The following CTDSPL variants were observed in gnomAD, a reference collection of about 807,000 sequenced individuals.
CTDSPL encodes CTD small phosphatase like, also known as CTD small phosphatase-like protein.
CTDSPL carries 8 observed loss-of-function variants against 30.5 expected under a neutral mutation model. The observed-to-expected ratio is 0.26, with a 90% CI of 0.15 to 0.47. The LOEUF is 0.47. CTDSPL is among the 20% of genes least tolerant of loss of function. The pLI is 0.99. For missense variants in CTDSPL, 248 were observed against 366.1 expected, an observed-to-expected ratio of 0.68 and a Z score of 2.63; for synonymous variants, 110 against 137.9, an observed-to-expected ratio of 0.80 and a Z score of 1.42.
At chr3:37,948,806 TTC>T (rs1699072663) in intron 2 of CTDSPL, among the ~76,000 whole-genome samples, 18 of 141,454 alleles carry the variant, frequency 1.3e-4, no homozygotes, top group African/African-American at 4.7e-4. Context: ...TTTTCCAGCT[TTC>T]TTTTTTTTTT....
chr3:37,906,884 T>C (rs1246092808), intron 1 of CTDSPL, among the ~76,000 whole-genome samples: 2 of 152,162 alleles, frequency 1.3e-5, no homozygotes, highest in African/African-American at 2.4e-5. Context: ...GAATACCCAC[T>C]CTGGCCCACA....
At position 37,936,656 on chromosome 3, in the gene CTDSPL, TAAAA is replaced by T. The variant is rs577097327; in HGVS notation, c.80-10380_80-10377del. 4.2e-3 allele frequency among the ~76,000 whole-genome samples: 399 copies of T among 94,746 alleles called. 1 individual carries two copies. Among genetic ancestry groups the T allele is most frequent in the Middle Eastern group, 0.03 (5 of 164 alleles). 62.2% of individuals were successfully genotyped at this position (94,746 alleles called of 152,430 possible). A position where few individuals can be genotyped will look rare whatever the true frequency, so the allele number is the denominator to read the frequency against. On this transcript the variant is annotated intron_variant, in intron 1 of 7. Transcript: ENST00000273179. The stretch of plus-strand genomic sequence containing the variant: ...AGAAAGAGTTCCTCCTCTCCCCAGT[TAAAA>T]AAAAAAAAAAAAAAAAAAAAGGTGT...
chr3:37,921,820 C>T (rs2125610711), intron 1 of CTDSPL, among the ~76,000 whole-genome samples: 1 of 152,326 alleles, frequency 6.6e-6, no homozygotes, highest in East Asian at 1.9e-4. Context: ...TCTCTTGGTT[C>T]CTGTTGTCTT....
rs181359211 is a variant in CTDSPL, at chr3:37,895,913, C to T, written c.79+33635C>T. 6.0e-4 allele frequency among the ~76,000 whole-genome samples: 91 copies of T among 152,164 alleles called. 2 individuals carry two copies. Among genetic ancestry groups the T allele is most frequent in the Admixed American group, 5.4e-3 (82 of 15,288 alleles). ...ATAGTGAACTGTAGTTAATGACAGG[C>T]GTATGTTTGAACATTTACAAAATAA... is the stretch of plus-strand genomic sequence containing the variant. On this transcript the variant is annotated intron_variant, in intron 1 of 7. Coordinates refer to ENST00000273179, the MANE Select transcript of CTDSPL (RefSeq NM_001008392.2).
intron 1 of CTDSPL, among the ~76,000 whole-genome samples, chr3:37,908,490 A>G (rs1032435654): frequency 1.3e-5 from 2 of 152,002 alleles, no homozygotes; most frequent in Non-Finnish European, 2.9e-5. Context: ...GCTGGGTAAT[A>G]TTTTATTGAC....
chr3:37,917,645 G>A (rs1698664943), intron 1 of CTDSPL, among the ~76,000 whole-genome samples: 1 of 152,148 alleles, frequency 6.6e-6, no homozygotes, highest in African/African-American at 2.4e-5. Flanking sequence ...GTATCACTCA[G>A]TCATCAAATT....
Position 37,941,085 on chromosome 3 carries a change from A to C in CTDSPL, c.80-5972A>C, listed in dbSNP as rs909182766. 6.0e-5 allele frequency among the ~76,000 whole-genome samples: 9 copies of C among 150,226 alleles called. 2 individuals carry two copies. The highest frequency in any genetic ancestry group is 2.2e-4 in the African/African-American group (9 of 41,302). On this transcript the variant is annotated intron_variant, in intron 1 of 7. Transcript: ENST00000273179. ...GTGTATGAGTGGGAAACAGGGTCTTAATTTGCTGGGCTGCAGTGACACCAG... is the reference window on the plus strand; with the variant it reads ...GTGTATGAGTGGGAAACAGGGTCTTCATTTGCTGGGCTGCAGTGACACCAG...
At chr3:37,937,247 G>T (rs1189864574) in intron 1 of CTDSPL, among the ~76,000 whole-genome samples, 14 of 150,274 alleles carry the variant, frequency 9.3e-5, no homozygotes, top group African/African-American at 3.4e-4. Context: ...GACGTGGTTT[G>T]TCCCCACCAA....
intron 1 of CTDSPL, among the ~76,000 whole-genome samples, chr3:37,865,224 A>G (rs887156503): frequency 6.6e-6 from 1 of 152,254 alleles, no homozygotes; most frequent in African/African-American, 2.4e-5. Context: ...CTGTAAGTTT[A>G]ACTCAGCCTA....
intron 6 of CTDSPL, among the ~76,000 whole-genome samples, chr3:37,973,223 A>T (rs148403486): frequency 2.6e-5 from 4 of 152,236 alleles, no homozygotes; most frequent in African/African-American, 9.6e-5. Context: ...TGGTACCAAG[A>T]TTAATTGTTA....
intron 1 of CTDSPL, among the ~76,000 whole-genome samples, chr3:37,900,259 GA>G (rs1181093212): frequency 6.6e-6 from 1 of 152,176 alleles, no homozygotes; most frequent in Non-Finnish European, 1.5e-5. Context: ...CTCAAATTGT[GA>G]AAATTGTTTG....
chr3:37,953,901 T>G (rs1699138419), intron 2 of CTDSPL, among the ~76,000 whole-genome samples: 1 of 152,090 alleles, frequency 6.6e-6, no homozygotes. Flanking sequence ...AGATACAAAG[T>G]TAGTCTTATT....
chr3:37,933,076 C>G (rs1698874001), intron 1 of CTDSPL, among the ~76,000 whole-genome samples: 2 of 150,962 alleles, frequency 1.3e-5, no homozygotes, highest in South Asian at 4.2e-4. Flanking sequence ...TCGCTTGAAC[C>G]TGGGAGGTGG....
At chr3:37,875,779 G>A (rs1162800167) in intron 1 of CTDSPL, among the ~76,000 whole-genome samples, 1 of 152,098 alleles carries the variant, frequency 6.6e-6, no homozygotes, top group African/African-American at 2.4e-5. Context: ...ATTCATTTTT[G>A]TTTTAGTTAG....
chr3:37,941,127 A>G lies in CTDSPL; in HGVS notation c.80-5930A>G, dbSNP rs1698972626. On this transcript the variant is annotated intron_variant, in intron 1 of 7. Coordinates refer to ENST00000273179, the MANE Select transcript of CTDSPL (RefSeq NM_001008392.2). ...TGACACCAGGGCCAGGGGCCTAGGC[A>G]GAAGCATTAGCTCTAAGGGCATATC... is the stretch of plus-strand genomic sequence containing the variant. Among the ~76,000 whole-genome samples, 2 of 150,320 alleles carry G rather than the reference A, an allele frequency of 1.3e-5. 1 individual carries two copies. The highest frequency in any genetic ancestry group is 4.8e-5 in the African/African-American group (2 of 41,306).
Position 37,862,248 on chromosome 3 carries a change from G to A in CTDSPL, c.49G>A (p.Glu17Lys). Residue 17 changes from glutamate (E) to lysine (K), a missense_variant, in exon 1 of 8, where the codon GAG (glutamate) becomes AAG (lysine). This residue lies in a region of CTDSPL where 118 missense variants were observed against 124.7 expected (regional missense o/e 0.95). Transcript: ENST00000273179. This position sits in a 1 kb window ranked among gnomAD's most constrained non-coding sequence, Gnocchi z 4.3. ...ITQVTNPKED[E>K]GRLPGAGEKA... ...CCAGGTGACCAACCCCAAGGAGGACGAGGGCCGGTTGCCGGGCGCGGGCGA... is the reference window on the plus strand; with the variant it reads ...CCAGGTGACCAACCCCAAGGAGGACAAGGGCCGGTTGCCGGGCGCGGGCGA... The A allele has an allele frequency of 6.7e-7, 1 of 1,492,664 alleles. No homozygotes were observed. Among genetic ancestry groups the A allele is most frequent in the African/African-American group, 1.5e-5 (1 of 68,370 alleles). The allele number at this position is 1,492,664 out of a possible 1,614,324, so 92.5% of individuals were successfully genotyped here.
chr3:37,982,220 G>A lies in CTDSPL; in HGVS notation c.*1353G>A. ...CCATCTCTTGGTCTTCTCCTTTGAAGCACAGCCTATTTCTGAGCCAAGGGT... is the reference window on the plus strand; with the variant it reads ...CCATCTCTTGGTCTTCTCCTTTGAAACACAGCCTATTTCTGAGCCAAGGGT... On this transcript the variant is annotated 3_prime_UTR_variant, in exon 8 of 8. Transcript: ENST00000273179. The A allele has an allele frequency of 3.2e-6, 1 of 312,618 alleles. No individual in the cohort carries two copies. The highest frequency in any genetic ancestry group is 2.7e-5 in the South Asian group (1 of 36,904). 19.4% of individuals were successfully genotyped at this position (312,618 alleles called of 1,614,324 possible). A position where few individuals can be genotyped will look rare whatever the true frequency, so the allele number is the denominator to read the frequency against.
chr3:37,975,836 G>A lies in CTDSPL; in HGVS notation c.647G>A (p.Ser216Asn), dbSNP rs770109268. Residue 216 changes from serine to asparagine, a missense_variant, in exon 7 of 8, where the codon AGC (serine) becomes AAC (asparagine). Ser to Asn is a conservative substitution (Grantham distance 46). This residue lies in a region of CTDSPL where 84 missense variants were observed against 139.4 expected (regional missense o/e 0.60). Coordinates refer to ENST00000273179, the MANE Select transcript of CTDSPL (RefSeq NM_001008392.2). The surrounding 1 kb of genome is among the most constrained non-coding windows in gnomAD (Gnocchi z 4.9). Reference sequence around the variant, plus strand: ...CTGAGTCGCCTTGGGCGGGAGCTGAGCAAAGTGATCATTGTTGACAATTCC... The same window carrying A: ...CTGAGTCGCCTTGGGCGGGAGCTGAACAAAGTGATCATTGTTGACAATTCC... ...KDLSRLGRELSKVIIVDNSPA... is the reference protein window; with the variant it reads ...KDLSRLGRELNKVIIVDNSPA... The A allele has an allele frequency of 1.9e-6, 3 of 1,614,064 alleles. No individual in the cohort carries two copies. The highest frequency in any genetic ancestry group is 1.1e-5 in the South Asian group (1 of 91,086).
chr3:37,977,387 C>T (rs1034741831), intron 7 of CTDSPL, among the ~76,000 whole-genome samples: 7 of 152,030 alleles, frequency 4.6e-5, no homozygotes, highest in Admixed American at 4.6e-4. Flanking sequence ...TAACACGTCT[C>T]CCTTTCCTCC....
Sources: gnomAD v4.1 joint callset for allele counts (sites outside exome capture counted in the v4.1 genomes callset) on GRCh38, gnomAD v4.1.1 for gene constraint, gnomAD v4.1.1 regional missense constraint, Gnocchi (gnomAD v3.1) non-coding constraint, MANE v1.5 for transcripts, NCBI Gene and HGNC (gene_info 2026-07-23, HGNC 2026-07-21) for gene names.